Variants in AHCTF1 observed in about 807,000 individuals in gnomAD.
AHCTF1 encodes the protein AT-hook containing transcription factor 1, also known as protein ELYS.
AHCTF1 carries 24 observed loss-of-function variants against 248.4 expected under a neutral mutation model. The observed-to-expected ratio is 0.10, with a 90% confidence interval of 0.07 to 0.14. AHCTF1 has a LOEUF of 0.14. Ranked by LOEUF, AHCTF1 falls within the 10% of genes least tolerant of loss-of-function variation. The pLI is 1.00. For missense variants in AHCTF1, 2,206 were observed against 2,636.2 expected (o/e 0.84, Z 3.57); for synonymous variants, 786 against 929.8 (o/e 0.85, Z 2.81).
intron 14 of AHCTF1, 110 bp downstream of exon 14, chr1:246,894,549 G>C: frequency 1.1e-6 from 1 of 916,570 alleles, no homozygotes; most frequent in South Asian, 1.8e-5. Flanking sequence ...CTCAAAAAAA[G>C]AAAAGAGTTT....
chr1:246,853,225 T>C lies in AHCTF1; in HGVS notation c.4429A>G (p.Arg1477Gly). The change falls in exon 32 of 36, where the codon AGG (arginine) becomes GGG (glycine). Residue 1477 changes from arginine to glycine, a missense_variant. By Grantham distance (125) the Arg-to-Gly change is moderately radical. Around this residue, in one of 6 missense-constraint regions of AHCTF1, gnomAD observed 955 missense variants for 1,055.6 expected, o/e 0.90. Transcript: ENST00000648844. Reference protein sequence around the residue: ...ISEGPIVSERRLNQEVALNLK... With the variant: ...ISEGPIVSERGLNQEVALNLK... ...TTCAGCGCTACTTCCTGGTTAAGCC[T>C]GCGCTCAGAGACAATAGGACCTTCA... is the stretch of plus-strand genomic sequence containing the variant. 1.2e-6 allele frequency: 2 copies of C among 1,613,892 alleles called. No individual in the cohort carries two copies. The highest frequency in any genetic ancestry group is 1.7e-6 in the Non-Finnish European group (2 of 1,179,900).
intron 24 of AHCTF1, among the ~76,000 whole-genome samples, chr1:246,869,065 C>T (rs530956268): frequency 4.3e-4 from 65 of 151,018 alleles, no homozygotes; most frequent in East Asian, 9.7e-4. Flanking sequence ...AGGATGGTCT[C>T]GATCTCCTGA....
intron 1 of AHCTF1, among the ~76,000 whole-genome samples, chr1:246,930,614 T>C (rs1026577222): frequency 2.0e-5 from 3 of 149,202 alleles, no homozygotes; most frequent in Admixed American, 2.0e-4. Flanking sequence ...GGTCTCGCCA[T>C]GTTGCTCAGG....
At chr1:246,888,147 T>G in intron 19 of AHCTF1, 30 bp downstream of exon 19, 1 of 1,606,924 alleles carries the variant, frequency 6.2e-7, no homozygotes, top group Middle Eastern at 1.7e-4. Context: ...TAGTAATACA[T>G]GAAACACTGG....
chr1:246,851,721 TATG>T (rs1387110315), intron 32 of AHCTF1, among the ~76,000 whole-genome samples: 1 of 152,184 alleles, frequency 6.6e-6, no homozygotes, highest in Admixed American at 6.5e-5. Context: ...GCTTGAAAAT[TATG>T]ATGCTAACAG....
intron 13 of AHCTF1, 87 bp from the exon 14 acceptor site, chr1:246,894,835 G>T: frequency 2.7e-6 from 3 of 1,131,182 alleles, no homozygotes; most frequent in Non-Finnish European, 3.9e-6. Context: ...ATGGCAGACA[G>T]CACCCTAACC....
intron 12 of AHCTF1, among the ~76,000 whole-genome samples, chr1:246,897,284 A>G (rs1425785159): frequency 1.3e-5 from 2 of 152,228 alleles, no homozygotes; most frequent in Non-Finnish European, 2.9e-5. Context: ...ACTGCACTCC[A>G]GTCTGGGCAA....
At position 246,879,005 on chromosome 1, in the gene AHCTF1, C is replaced by T. The variant is rs143650145; in HGVS notation, c.2661-1703G>A. Among the ~76,000 whole-genome samples, 63 of 152,114 alleles carry T rather than the reference C, an allele frequency of 4.1e-4. No homozygotes were observed. In the South Asian group the frequency reaches 0.011, roughly 27 times the overall value. On this transcript the variant is annotated intron_variant, in intron 21 of 35. Transcript: ENST00000648844. ...TTTTCCCTAAACCAAAATCTAGAAA[C>T]GTTAAAAGCAGAACATTTTTGTATA... is the stretch of plus-strand genomic sequence containing the variant.
rs1334639491 is a variant in AHCTF1 at position 246,851,026 on chromosome 1, C to A, written c.4980G>T (p.Val1660=). ...CAATTGCTACTTTAATAGGTTCAGGCACATATGGTAAAGTGTCTACTTTTT... is the reference window on the plus strand; with the variant it reads ...CAATTGCTACTTTAATAGGTTCAGGAACATATGGTAAAGTGTCTACTTTTT... ...KSQKVDTLPY[V]PEPIKVAIAE... Residue 1660 remains valine, a synonymous_variant, in exon 33 of 36, where the codon GTG becomes GTT. Coordinates refer to ENST00000648844, the MANE Select transcript of AHCTF1 (RefSeq NM_001323342.2). 2 of 1,613,904 alleles carry A rather than the reference C, an allele frequency of 1.2e-6. No homozygotes were observed. Among genetic ancestry groups the A allele is most frequent in the Non-Finnish European group, 1.7e-6 (2 of 1,179,862 alleles).
Position 246,888,213 on chromosome 1 carries a change from T to C in AHCTF1, c.2289A>G (p.Leu763=). 1 of 1,614,130 alleles carries C rather than the reference T, an allele frequency of 6.2e-7. No individual in the cohort carries two copies. The highest frequency in any genetic ancestry group is 8.5e-7 in the Non-Finnish European group (1 of 1,179,972). The change falls in exon 19 of 36, where the codon CTA becomes CTG. Residue 763 remains leucine, a synonymous_variant. Coordinates refer to ENST00000648844, the MANE Select transcript of AHCTF1 (RefSeq NM_001323342.2). ...TGGCTGCTTCAGTAACGCCGTCTAATAGGTACATATCAAGTACTGCCTATA... is the reference window on the plus strand; with the variant it reads ...TGGCTGCTTCAGTAACGCCGTCTAACAGGTACATATCAAGTACTGCCTATA... The part of the protein sequence containing the change: ...ASLHAVLDMY[L]LDGVTEAAKH...
Position 246,857,831 on chromosome 1 carries a change from TA to T in AHCTF1, c.4133-18del. The T allele has an allele frequency of 6.3e-7, 1 of 1,587,952 alleles. No homozygotes were observed. Among genetic ancestry groups the T allele is most frequent in the Non-Finnish European group, 8.6e-7 (1 of 1,161,724 alleles). On this transcript the variant is annotated intron_variant, in intron 29 of 35. Coordinates refer to ENST00000648844, the MANE Select transcript of AHCTF1 (RefSeq NM_001323342.2). ...CTAAATTGCCTATAAGTCATACAAA[TA>T]AGAATATTATTTATGCTAAATATTT... is the stretch of plus-strand genomic sequence containing the variant.
intron 1 of AHCTF1, among the ~76,000 whole-genome samples, chr1:246,920,394 T>TA (rs965214475): frequency 2.6e-5 from 4 of 152,056 alleles, no homozygotes; most frequent in Admixed American, 2.6e-4. Flanking sequence ...AAATAAAAAC[T>TA]AAAACTCAAT....
chr1:246,903,909 C>T (rs773064606), intron 7 of AHCTF1, 40 bp downstream of exon 7: 1 of 1,354,294 alleles, frequency 7.4e-7, no homozygotes, highest in Non-Finnish European at 1.0e-6. Context: ...TAGAAAACAA[C>T]AAAATGGTAA....
chr1:246,868,875 C>G (rs192556235), intron 24 of AHCTF1, among the ~76,000 whole-genome samples: 74 of 144,744 alleles, frequency 5.1e-4, no homozygotes, highest in East Asian at 1.2e-3. Context: ...GATGGAGTCT[C>G]GCTCTGTCAC....
chr1:246,882,036 C>A lies in AHCTF1; in HGVS notation c.2660+3457G>T, dbSNP rs529646966. Reference sequence around the variant, plus strand: ...TTTTTGAGATGGAGTCTTGCTCTGTCGCCCAGGCTGGAGTGCAATGGCACC... The same window carrying A: ...TTTTTGAGATGGAGTCTTGCTCTGTAGCCCAGGCTGGAGTGCAATGGCACC... On this transcript the variant is annotated intron_variant, in intron 21 of 35. Transcript: ENST00000648844. Among the ~76,000 whole-genome samples the A allele has an allele frequency of 1.6e-3, 220 of 137,720 alleles. 3 individuals are homozygous for A. The highest frequency in any genetic ancestry group is 5.8e-3 in the African/African-American group (211 of 36,588). The allele number at this position is 137,720 out of a possible 152,430, so 90.3% of individuals were successfully genotyped here. A position where few individuals can be genotyped will look rare whatever the true frequency, so the allele number is the denominator to read the frequency against.
At chr1:246,848,867 C>CAAAAAA (rs1558208590) in intron 33 of AHCTF1, among the ~76,000 whole-genome samples, 3 of 108,954 alleles carry the variant, frequency 2.8e-5, no homozygotes, top group African/African-American at 4.5e-5. Context: ...CAACACAAAC[C>CAAAAAA]CCCTACATTT....
At position 246,918,267 on chromosome 1, in the gene AHCTF1, C is replaced by A. The variant is rs534814535; in HGVS notation, c.104G>T (p.Arg35Leu). 1.9e-6 allele frequency: 3 copies of A among 1,607,380 alleles called. No homozygotes were observed. The East Asian group carries it at 6.7e-5, about 36-fold the overall frequency. Residue 35 changes from arginine (R) to leucine (L), a missense_variant, in exon 2 of 36, where the codon CGT (arginine) becomes CTT (leucine). Arg to Leu is a moderately radical substitution (Grantham distance 102). This residue lies in a region of AHCTF1 where 69 missense variants were observed against 85.4 expected (regional missense o/e 0.81). Transcript: ENST00000648844. ...ATGTTTACCTGCAGCAAACTTTCCA[C>A]GAAGCACAGATTCTAATGTTATTTC... ...EDEITLESVLRGKFAAGKNGL... is the reference protein window; with the variant it reads ...EDEITLESVLLGKFAAGKNGL...
At chr1:246,864,344 T>C (rs555269712) in intron 26 of AHCTF1, 1 of 436,390 alleles carries the variant, frequency 2.3e-6, no homozygotes, top group Admixed American at 4.1e-5. Flanking sequence ...TAAAAAGAGT[T>C]TGCGTCGTCC....
chr1:246,926,512 A>T (rs1666926755), intron 1 of AHCTF1, among the ~76,000 whole-genome samples: 1 of 152,198 alleles, frequency 6.6e-6, no homozygotes, highest in Non-Finnish European at 1.5e-5. Context: ...AATTGGTTTT[A>T]AGACTTTTCC....
Sources: allele counts gnomAD v4.1 joint callset (sites outside exome capture counted in the v4.1 genomes callset), GRCh38; gene constraint gnomAD v4.1.1; regional missense constraint gnomAD v4.1.1; transcripts MANE v1.5; gene names NCBI Gene and HGNC (gene_info 2026-07-23, HGNC 2026-07-21).